CSMD1: variants seen among roughly 807,000 people sequenced by gnomAD.
The protein encoded by CSMD1 is CUB and Sushi multiple domains 1, also known as CUB and sushi domain-containing protein 1.
A neutral mutation model predicts 417.5 loss-of-function variants in CSMD1; 213 were observed. The observed-to-expected ratio is 0.51, with a 90% CI of 0.46 to 0.57. The LOEUF is 0.57. CSMD1 is among the 20% of genes least tolerant of loss of function. The pLI is 0.00. For missense variants in CSMD1, 6,923 were observed against 4,529.7 expected (o/e 1.53, Z -15.17); for synonymous variants, 2,862 against 1,736.8 (o/e 1.65, Z -16.11).
chr8:3,673,630 G>T (rs558663409), intron 7 of CSMD1, among the ~76,000 whole-genome samples: 1 of 152,148 alleles, frequency 6.6e-6, no homozygotes, highest in African/African-American at 2.4e-5. Flanking sequence ...TTGACCTAAC[G>T]GGTGCGGGCA....
At chr8:3,295,619 G>A (rs1225329384) in intron 25 of CSMD1, among the ~76,000 whole-genome samples, 3 of 152,166 alleles carry the variant, frequency 2.0e-5, no homozygotes, top group Non-Finnish European at 4.4e-5. Flanking sequence ...GATCTTTCTA[G>A]GCCAGCATGA....
At chr8:4,035,832 G>C (rs1271733927) in intron 3 of CSMD1, among the ~76,000 whole-genome samples, 1 of 152,086 alleles carries the variant, frequency 6.6e-6, no homozygotes, top group Non-Finnish European at 1.5e-5. Context: ...TGTACTCTAA[G>C]TGTACAGTGT....
At chr8:3,745,157 A>G (rs921928683) in intron 6 of CSMD1, among the ~76,000 whole-genome samples, 6 of 152,260 alleles carry the variant, frequency 3.9e-5, no homozygotes, top group East Asian at 1.9e-4. Context: ...ATTTCAAAAT[A>G]TCTATGAAAA....
chr8:3,431,355 A>C (rs369265392), intron 12 of CSMD1, among the ~76,000 whole-genome samples: 2 of 152,000 alleles, frequency 1.3e-5, no homozygotes, highest in African/African-American at 4.8e-5. Flanking sequence ...GGAGAGTGAA[A>C]ATTTTCCCAT....
intron 2 of CSMD1, among the ~76,000 whole-genome samples, chr8:4,463,002 G>T (rs1799930339): frequency 2.0e-5 from 3 of 152,032 alleles, no homozygotes; most frequent in South Asian, 4.2e-4. Context: ...CATTAGAACA[G>T]AAAAAGATCT....
intron 10 of CSMD1, among the ~76,000 whole-genome samples, chr8:3,536,542 G>A (rs1395439669): frequency 6.6e-6 from 1 of 152,186 alleles, no homozygotes; most frequent in Non-Finnish European, 1.5e-5. Context: ...CCATGAGAAG[G>A]ATGAGCCTGG....
intron 49 of CSMD1, among the ~76,000 whole-genome samples, chr8:3,053,475 C>G (rs1812007934): frequency 6.6e-6 from 1 of 151,990 alleles, no homozygotes; most frequent in Non-Finnish European, 1.5e-5. Flanking sequence ...TTCCCTAAAG[C>G]CCCAGGAAGT....
At chr8:4,839,014 G>A (rs953394217) in intron 1 of CSMD1, among the ~76,000 whole-genome samples, 1 of 152,144 alleles carries the variant, frequency 6.6e-6, no homozygotes, top group Admixed American at 6.5e-5. Context: ...ATTCAGACTT[G>A]TGGTTTTGCC....
intron 50 of CSMD1, among the ~76,000 whole-genome samples, chr8:3,041,055 A>G (rs1375870103): frequency 6.6e-6 from 1 of 152,156 alleles, no homozygotes; most frequent in Non-Finnish European, 1.5e-5. Context: ...ATATTTCTGT[A>G]CAAGAAATAA....
chr8:3,244,613 G>A (rs1332446852), intron 26 of CSMD1, among the ~76,000 whole-genome samples: 5 of 152,296 alleles, frequency 3.3e-5, no homozygotes, highest in Non-Finnish European at 7.3e-5. Context: ...TGAACCCAAG[G>A]CAGGACAGCC....
chr8:3,385,111 AAT>A (rs71834764), intron 18 of CSMD1, among the ~76,000 whole-genome samples: 58,011 of 125,162 alleles, frequency 0.46, 13,906 homozygotes, highest in Non-Finnish European at 0.49. Flanking sequence ...TATAAATAAA[AAT>A]ATATATAATA....
At chr8:4,899,808 G>A (rs994815420) in intron 1 of CSMD1, among the ~76,000 whole-genome samples, 2 of 151,960 alleles carry the variant, frequency 1.3e-5, no homozygotes, top group Admixed American at 6.6e-5. Context: ...GAATATAGAG[G>A]GCCTCACACA....
chr8:3,217,549 G>A lies in CSMD1; in HGVS notation c.4672+1706C>T, dbSNP rs114221712. ...CATGATTTTGTTGGGGGCGTGGGGGGCTATCATAGAATAAGTACTGTCATG... is the reference window on the plus strand; with the variant it reads ...CATGATTTTGTTGGGGGCGTGGGGGACTATCATAGAATAAGTACTGTCATG... On this transcript the variant is annotated intron_variant, in intron 29 of 69. Transcript: ENST00000635120. Among the ~76,000 whole-genome samples the A allele has an allele frequency of 2.0e-3, 309 of 152,038 alleles. 1 individual carries two copies. The highest frequency in any genetic ancestry group is 7.0e-3 in the African/African-American group (290 of 41,408).
chr8:4,217,596 G>C (rs976131180), intron 3 of CSMD1, among the ~76,000 whole-genome samples: 16 of 151,744 alleles, frequency 1.1e-4, no homozygotes, highest in East Asian at 1.9e-4. Context: ...GAAACCATTT[G>C]GTGAACAGGC....
chr8:3,383,802 C>T (rs1282936741), intron 18 of CSMD1, among the ~76,000 whole-genome samples: 4 of 151,970 alleles, frequency 2.6e-5, no homozygotes, highest in African/African-American at 7.3e-5. Context: ...AATAAATATA[C>T]AAAAATGTGC....
intron 2 of CSMD1, among the ~76,000 whole-genome samples, chr8:4,495,220 G>T (rs1025111014): frequency 6.6e-6 from 1 of 152,126 alleles, no homozygotes. Context: ...TTTATAAAAG[G>T]ATTAATAATG....
intron 3 of CSMD1, among the ~76,000 whole-genome samples, chr8:4,379,933 A>G (rs925425290): frequency 1.3e-5 from 2 of 152,204 alleles, no homozygotes; most frequent in Admixed American, 6.5e-5. Flanking sequence ...CGCGGCCAGC[A>G]TACACTCTGG....
intron 4 of CSMD1, among the ~76,000 whole-genome samples, chr8:4,006,792 T>A (rs967848041): frequency 3.3e-5 from 5 of 151,950 alleles, no homozygotes; most frequent in African/African-American, 4.8e-5. Flanking sequence ...TCATATTTCT[T>A]TTGTCGCTGA....
At chr8:3,949,173 A>C (rs901362084) in intron 5 of CSMD1, among the ~76,000 whole-genome samples, 1 of 152,252 alleles carries the variant, frequency 6.6e-6, no homozygotes, top group Non-Finnish European at 1.5e-5. Flanking sequence ...TAACATATGC[A>C]TTGCTTTACA....
Sources: allele counts gnomAD v4.1 joint callset (sites outside exome capture counted in the v4.1 genomes callset), GRCh38; gene constraint gnomAD v4.1.1; transcripts MANE v1.5; gene names NCBI Gene and HGNC (gene_info 2026-07-23, HGNC 2026-07-21).